Variants in TENM3 observed in about 807,000 individuals in gnomAD.
TENM3 encodes the protein teneurin-3.
A neutral mutation model predicts 255.1 loss-of-function variants in TENM3; 63 were observed. The ratio of observed to expected loss-of-function variants is 0.25; its 90% CI spans 0.20 to 0.30. The LOEUF is 0.30. Ranked by LOEUF, TENM3 falls within the 10% of genes least tolerant of loss-of-function variation. The pLI is 1.00. For missense variants in TENM3, 2,929 were observed against 3,461.1 expected (o/e 0.85, Z 3.86); for synonymous variants, 1,306 against 1,322.3 (o/e 0.99, Z 0.27).
chr4:182,230,432 TC>T (rs1184442297), intron 1 of TENM3, among the ~76,000 whole-genome samples: 1 of 152,116 alleles, frequency 6.6e-6, no homozygotes, highest in Non-Finnish European at 1.5e-5. Flanking sequence ...CCACAGCACT[TC>T]CTTCTGAACC....
chr4:182,374,717 A>C (rs1767062293), intron 3 of TENM3, among the ~76,000 whole-genome samples: 1 of 152,146 alleles, frequency 6.6e-6, no homozygotes, highest in South Asian at 2.1e-4. Flanking sequence ...TTACTTCTTC[A>C]AATTTCTTCC....
chr4:182,391,877 A>G (rs1768452083), intron 3 of TENM3, among the ~76,000 whole-genome samples: 1 of 152,230 alleles, frequency 6.6e-6, no homozygotes, highest in Admixed American at 6.5e-5. Flanking sequence ...GGCAAAAAAA[A>G]AACATGCTTA....
the TENM3 span, among the ~76,000 whole-genome samples, chr4:181,782,740 T>G: frequency 6.6e-6 from 1 of 152,238 alleles, no homozygotes; most frequent in Non-Finnish European, 1.5e-5. Context: ...TCTTTCCTGC[T>G]TTTTCTTGCG....
intron 3 of TENM3, among the ~76,000 whole-genome samples, chr4:182,486,897 T>G (rs1468145015): frequency 6.6e-6 from 1 of 152,190 alleles, no homozygotes; most frequent in Non-Finnish European, 1.5e-5. Context: ...CCAGATGATG[T>G]TAGTTATCTA....
chr4:182,043,523 A>C, the TENM3 span, among the ~76,000 whole-genome samples: 31 of 152,240 alleles, frequency 2.0e-4, no homozygotes, highest in African/African-American at 7.2e-4. Flanking sequence ...ATTTTCCTCA[A>C]ATCCTCCTCC....
the TENM3 span, among the ~76,000 whole-genome samples, chr4:181,466,649 G>A: frequency 6.6e-6 from 1 of 152,052 alleles, no homozygotes; most frequent in South Asian, 2.1e-4. Context: ...CTCCATATTA[G>A]AAAAACAAGC....
rs543346664 is a variant in TENM3 at position 182,402,082 on chromosome 4, G to T, written c.511+55153G>T. Among the ~76,000 whole-genome samples, 14 of 152,284 alleles carry T rather than the reference G, an allele frequency of 9.2e-5. 1 individual carries two copies. In the South Asian group the frequency reaches 2.7e-3, roughly 29 times the overall value. The stretch of plus-strand genomic sequence containing the variant: ...GCAGACCCACGTGGCAGCGTGAAAC[G>T]GTTCTTACTCACCTGTGGGTGCTCC... On this transcript the variant is annotated intron_variant, in intron 3 of 27. Transcript: ENST00000511685.
intron 1 of TENM3, among the ~76,000 whole-genome samples, chr4:182,306,451 T>TATTATC (rs1762138037): frequency 6.6e-6 from 1 of 152,234 alleles, no homozygotes; most frequent in South Asian, 2.1e-4. Flanking sequence ...ATATGTATGT[T>TATTATC]ATTATCATAA....
the TENM3 span, among the ~76,000 whole-genome samples, chr4:181,720,995 T>C: frequency 6.6e-6 from 1 of 151,860 alleles, no homozygotes; most frequent in African/African-American, 2.4e-5. Flanking sequence ...CAGAAGCACA[T>C]AGGAGAGATG....
chr4:182,774,319 C>G (rs867717073), intron 23 of TENM3, among the ~76,000 whole-genome samples: 1 of 152,156 alleles, frequency 6.6e-6, no homozygotes, highest in African/African-American at 2.4e-5. Flanking sequence ...ACTGCTATTG[C>G]TTGAATTCAT....
chr4:182,638,089 C>T lies in TENM3; in HGVS notation c.988+9200C>T, dbSNP rs114220307. Among the ~76,000 whole-genome samples, 1,261 of 150,414 alleles carry T rather than the reference C, an allele frequency of 8.4e-3. 17 individuals are homozygous for T. Among genetic ancestry groups the T allele is most frequent in the African/African-American group, 0.029 (1,193 of 40,818 alleles). ...CTTAGTTTACCTAGAGCCCAGTGTT[C>T]CAGTTAACATCTAGAAGTAGAAATG... On this transcript the variant is annotated intron_variant, in intron 5 of 27. Transcript: ENST00000511685.
chr4:182,778,790 A>G lies in TENM3; in HGVS notation c.5304+3637A>G, dbSNP rs191591461. Among the ~76,000 whole-genome samples the G allele has an allele frequency of 2.3e-4, 35 of 152,296 alleles. No homozygotes were observed. The East Asian group carries it at 6.6e-3, about 29-fold the overall frequency. ...TGCTTACTTAAAGGAAGTATACATC[A>G]CAAAGGAATTCATGGTGATCTCATT... On this transcript the variant is annotated intron_variant, in intron 24 of 27. Transcript: ENST00000511685.
At chr4:182,683,510 T>C (rs1249288653) in intron 11 of TENM3, among the ~76,000 whole-genome samples, 1 of 152,154 alleles carries the variant, frequency 6.6e-6, no homozygotes, top group African/African-American at 2.4e-5. Context: ...AAAATCCAAA[T>C]CACTTCTGGT....
At chr4:182,423,569 G>A (rs917012920) in intron 3 of TENM3, among the ~76,000 whole-genome samples, 28 of 152,014 alleles carry the variant, frequency 1.8e-4, no homozygotes, top group African/African-American at 6.5e-4. Flanking sequence ...AGTTAGAAAT[G>A]AGCACTAGAT....
chr4:182,002,535 T>C, the TENM3 span, among the ~76,000 whole-genome samples: 1 of 152,102 alleles, frequency 6.6e-6, no homozygotes, highest in Non-Finnish European at 1.5e-5. Context: ...GTGATGGTAA[T>C]ACTGCCTTTC....
At chr4:182,172,419 C>CTAAA (rs1471469527) in intron 1 of TENM3, among the ~76,000 whole-genome samples, 3 of 152,094 alleles carry the variant, frequency 2.0e-5, no homozygotes, top group Non-Finnish European at 4.4e-5. Flanking sequence ...TGGTTTGCTG[C>CTAAA]TTTAGGCTCT....
At chr4:181,849,930 T>TCTCTC in the TENM3 span, among the ~76,000 whole-genome samples, 7 of 84,020 alleles carry the variant, frequency 8.3e-5, 1 homozygote, top group African/African-American at 1.6e-4. Context: ...CTCTCTCTCT[T>TCTCTC]TCTCTCTCTC....
chr4:181,494,360 C>T, the TENM3 span, among the ~76,000 whole-genome samples: 1 of 152,208 alleles, frequency 6.6e-6, no homozygotes, highest in Admixed American at 6.5e-5. Flanking sequence ...TCTTAGCTCA[C>T]TGCAACCTCC....
At chr4:182,035,055 T>C in the TENM3 span, among the ~76,000 whole-genome samples, 1 of 152,330 alleles carries the variant, frequency 6.6e-6, no homozygotes, top group East Asian at 1.9e-4. Context: ...CATAGTCTCA[T>C]GGTTCTTGGG....
Sources: allele counts gnomAD v4.1 joint callset (sites outside exome capture counted in the v4.1 genomes callset), GRCh38; gene constraint gnomAD v4.1.1; transcripts MANE v1.5; gene names NCBI Gene and HGNC (gene_info 2026-07-23, HGNC 2026-07-21).